HERC6: variants seen among roughly 807,000 people sequenced by gnomAD.
HERC6 encodes the protein HECT and RLD domain containing E3 ubiquitin protein ligase family member 6.
A neutral mutation model predicts 114.5 loss-of-function variants in HERC6; 101 were observed. That is an observed-to-expected ratio of 0.88 (90% CI 0.75 to 1.04). The LOEUF is 1.04. HERC6 is among the 50% of genes least tolerant of loss of function. HERC6 has a pLI of 0.00. For synonymous variants in HERC6, 408 were observed against 436.2 expected, an observed-to-expected ratio of 0.94 and a Z score of 0.81; for missense variants, 1,133 against 1,230.9, an observed-to-expected ratio of 0.92 and a Z score of 1.19.
At chr4:88,386,586 TTACA>T (rs1431437330) in intron 3 of HERC6, among the ~76,000 whole-genome samples, 2 of 152,146 alleles carry the variant, frequency 1.3e-5, no homozygotes, top group Non-Finnish European at 2.9e-5. Flanking sequence ...ACTCAGGAAC[TTACA>T]TACTGTTTTA....
At chr4:88,392,193 T>C (rs1734960039) in intron 4 of HERC6, among the ~76,000 whole-genome samples, 1 of 146,962 alleles carries the variant, frequency 6.8e-6, no homozygotes, top group Non-Finnish European at 1.5e-5. Flanking sequence ...TCTTTTCTTT[T>C]CTTCAGACAA....
At chr4:88,437,397 G>A (rs548860710) in intron 19 of HERC6, among the ~76,000 whole-genome samples, 3 of 152,096 alleles carry the variant, frequency 2.0e-5, no homozygotes, top group South Asian at 2.1e-4. Context: ...TTTCTGTACC[G>A]CAAGACTTTC....
intron 15 of HERC6, among the ~76,000 whole-genome samples, chr4:88,426,334 A>G (rs904773049): frequency 6.6e-6 from 1 of 151,584 alleles, no homozygotes; most frequent in Non-Finnish European, 1.5e-5. Flanking sequence ...ATGCCTGGCT[A>G]ATTTTGTATT....
At chr4:88,411,092 C>T (rs988497593) in intron 11 of HERC6, among the ~76,000 whole-genome samples, 7 of 152,112 alleles carry the variant, frequency 4.6e-5, no homozygotes, top group African/African-American at 1.7e-4. Flanking sequence ...TTGGAAGGGA[C>T]AGGCGGAAAG....
At chr4:88,398,962 G>C (rs548964977) in intron 8 of HERC6, 1 of 152,156 alleles carries the variant, frequency 6.6e-6, no homozygotes, top group Non-Finnish European at 1.5e-5. Context: ...TCAAATCCAG[G>C]CAGTCCAACC....
At chr4:88,434,470 G>A (rs1415170712) in intron 17 of HERC6, among the ~76,000 whole-genome samples, 2 of 152,180 alleles carry the variant, frequency 1.3e-5, no homozygotes, top group African/African-American at 4.8e-5. Context: ...ATAATGGAGA[G>A]GCGAAGGCCT....
chr4:88,405,014 A>C lies in HERC6; in HGVS notation c.1214+17A>C, dbSNP rs1193422069. On this transcript the variant is annotated intron_variant, in intron 9 of 22. Transcript: ENST00000264346. ...GGCTAAAAGGTGGCTCTGTCTGATA[A>C]ATTATAAGCCACTTTTATCTGGTTC... 1 of 1,610,682 alleles carries C rather than the reference A, an allele frequency of 6.2e-7. No homozygotes were observed. The highest frequency in any genetic ancestry group is 8.5e-7 in the Non-Finnish European group (1 of 1,178,530).
intron 2 of HERC6, among the ~76,000 whole-genome samples, chr4:88,383,947 G>A (rs954674405): frequency 6.6e-6 from 1 of 151,984 alleles, no homozygotes; most frequent in South Asian, 2.1e-4. Flanking sequence ...GAATATAACT[G>A]TGGGGGCCAA....
intron 6 of HERC6, 95 bp from the exon 7 acceptor site, chr4:88,396,756 C>G (rs1735253345): frequency 1.7e-6 from 2 of 1,210,020 alleles, no homozygotes; most frequent in Non-Finnish European, 2.2e-6. Context: ...GTAAATTGGG[C>G]TTTTTGTGTT....
Position 88,405,306 on chromosome 4 carries a change from T to G in HERC6, c.1215-248T>G, listed in dbSNP as rs139843061. Among the ~76,000 whole-genome samples the G allele has an allele frequency of 3.8e-3, 582 of 152,312 alleles. 10 individuals carry two copies. In the East Asian group the frequency reaches 0.066, roughly 17 times the overall value. ...TTTACCCCTTTGGAGTTTTATGAGT[T>G]TTGGTCTTCACAGGGATAGGTTTTA... On this transcript the variant is annotated intron_variant, in intron 9 of 22. Coordinates refer to ENST00000264346, the MANE Select transcript of HERC6 (RefSeq NM_017912.4).
In HERC6 at chr4:88,379,033, C is replaced by A; in HGVS notation, c.112C>A (p.Leu38Met). The A allele has an allele frequency of 6.4e-7, 1 of 1,565,214 alleles. No individual in the cohort carries two copies. ...AASGERHSLL[L>M]LTNHRVLSCG... ...CAGCGGGGAGCGCCACTCTCTGCTG[C>A]TGCTGACCAACCACAGGGTCCTCTC... Residue 38 changes from leucine to methionine, a missense_variant, in exon 1 of 23, where the codon CTG becomes ATG. Physicochemically the swap from Leu to Met is conservative, Grantham distance 15. Around this residue, in one of 3 missense-constraint regions of HERC6, gnomAD observed 735 missense variants for 754.0 expected, o/e 0.97. Transcript: ENST00000264346.
At chr4:88,426,262 G>A (rs972802071) in intron 15 of HERC6, among the ~76,000 whole-genome samples, 7 of 151,824 alleles carry the variant, frequency 4.6e-5, no homozygotes, top group East Asian at 1.9e-4. Flanking sequence ...TCTGCCTCCC[G>A]GGTTCAAGCG....
intron 3 of HERC6, among the ~76,000 whole-genome samples, chr4:88,388,900 G>A (rs1260375431): frequency 3.9e-5 from 6 of 152,162 alleles, no homozygotes; most frequent in African/African-American, 1.4e-4. Flanking sequence ...TTTTAGCTAT[G>A]CTTGCACTTC....
In HERC6 at chr4:88,380,585, C is replaced by T. The variant is rs1272354293; in HGVS notation, c.199+1465C>T. On this transcript the variant is annotated intron_variant, in intron 1 of 22. Transcript: ENST00000264346. ...ACAAAAAATAAACTGGGCGTGGTGGCGGGCGCCTGTAGTCCCAGCTACTTG... is the reference window on the plus strand; with the variant it reads ...ACAAAAAATAAACTGGGCGTGGTGGTGGGCGCCTGTAGTCCCAGCTACTTG... 2.7e-5 allele frequency among the ~76,000 whole-genome samples: 4 copies of T among 147,320 alleles called. No individual in the cohort carries two copies. In the Admixed American group the frequency reaches 2.8e-4, roughly 10 times the overall value.
chr4:88,420,759 T>C (rs1025996290), intron 13 of HERC6, among the ~76,000 whole-genome samples: 2 of 152,122 alleles, frequency 1.3e-5, no homozygotes, highest in African/African-American at 4.8e-5. Flanking sequence ...TAGTGAGACC[T>C]TGTCTCTATT....
chr4:88,413,008 GCT>G, intron 11 of HERC6, 67 bp from the exon 12 acceptor site: 1 of 1,144,292 alleles, frequency 8.7e-7, no homozygotes, highest in Non-Finnish European at 1.2e-6. Flanking sequence ...TAATTTCACA[GCT>G]TGCTTCTCAC....
At chr4:88,408,388 G>T in intron 10 of HERC6, 136 bp from the exon 11 acceptor site, 1 of 673,242 alleles carries the variant, frequency 1.5e-6, no homozygotes. Flanking sequence ...CAAGTAAGTT[G>T]ATTATTTTGA....
intron 13 of HERC6, among the ~76,000 whole-genome samples, chr4:88,417,873 G>T (rs536529105): frequency 6.6e-6 from 1 of 152,068 alleles, no homozygotes; most frequent in Non-Finnish European, 1.5e-5. Flanking sequence ...TTGAGCCCAG[G>T]AATTTGAGGC....
At chr4:88,422,276 G>C (rs952136350) in intron 13 of HERC6, among the ~76,000 whole-genome samples, 1 of 152,076 alleles carries the variant, frequency 6.6e-6, no homozygotes, top group African/African-American at 2.4e-5. Context: ...CATATAACTT[G>C]AAATAATAAC....
Sources: gnomAD v4.1 joint callset for allele counts (sites outside exome capture counted in the v4.1 genomes callset) on GRCh38, gnomAD v4.1.1 for gene constraint, gnomAD v4.1.1 regional missense constraint, MANE v1.5 for transcripts, NCBI Gene and HGNC (gene_info 2026-07-23, HGNC 2026-07-21) for gene names.